Variants in ZNF592 observed in about 807,000 individuals in gnomAD.
ZNF592 encodes the protein spinocerebellar ataxia, autosomal recessive 5.
A neutral mutation model predicts 80.3 loss-of-function variants in ZNF592; 11 were observed. The ratio of observed to expected loss-of-function variants is 0.14; its 90% CI spans 0.09 to 0.23. ZNF592 has a LOEUF of 0.23. Among genes scored for constraint, ZNF592 ranks in the 10% least tolerant of loss-of-function variants. The probability of loss-of-function intolerance (pLI) is 1.00; values close to 1 mark genes in which losing one functional copy is unlikely to be tolerated. For missense variants in ZNF592, 1,420 were observed against 1,633.9 expected (o/e 0.87, Z 2.26); for synonymous variants, 646 against 640.3 (o/e 1.01, Z -0.13).
rs1400067521 is a variant in ZNF592 at position 84,803,621 on chromosome 15, T to G, written c.*1228T>G. ...CACCTTCATCTTTCCTTCAGTTGAT[T>G]TTCAACATAAGAGAACCCCTTACTG... On this transcript the variant is annotated 3_prime_UTR_variant, in exon 11 of 11. Coordinates refer to ENST00000560079, the MANE Select transcript of ZNF592 (RefSeq NM_014630.3). 6.6e-6 allele frequency: 1 copy of G among 152,198 alleles called. No individual in the cohort carries two copies. Among genetic ancestry groups the G allele is most frequent in the Non-Finnish European group, 1.5e-5 (1 of 68,032 alleles). 9.4% of individuals were successfully genotyped at this position (152,198 alleles called of 1,614,324 possible). A position where few individuals can be genotyped will look rare whatever the true frequency, so the allele number is the denominator to read the frequency against.
At chr15:84,769,275 T>G (rs989151431) in intron 2 of ZNF592, among the ~76,000 whole-genome samples, 1 of 152,000 alleles carries the variant, frequency 6.6e-6, no homozygotes, top group East Asian at 1.9e-4. Flanking sequence ...TACCTTCCTG[T>G]AAACACACTG....
At chr15:84,771,558 G>A (rs190219540) in intron 2 of ZNF592, among the ~76,000 whole-genome samples, 1 of 152,242 alleles carries the variant, frequency 6.6e-6, no homozygotes, top group East Asian at 1.9e-4. Flanking sequence ...GAGGCTGAAG[G>A]GACATCTTGG....
chr15:84,776,062 A>C (rs1441169497), intron 2 of ZNF592, among the ~76,000 whole-genome samples: 2 of 152,202 alleles, frequency 1.3e-5, no homozygotes, highest in African/African-American at 2.4e-5. Context: ...AGTGAAATTT[A>C]CTCTCAGCCT....
chr15:84,782,856 C>G lies in ZNF592; in HGVS notation c.181C>G (p.Pro61Ala), dbSNP rs753953290. The G allele has an allele frequency of 6.2e-7, 1 of 1,614,136 alleles. No homozygotes were observed. The highest frequency in any genetic ancestry group is 8.5e-7 in the Non-Finnish European group (1 of 1,180,032). Reference protein sequence around the residue: ...SVSLSHSGSAPDVPAVSVIVK... With the variant: ...SVSLSHSGSAADVPAVSVIVK... ...GTCCTTGTCTCACTCAGGATCAGCC[C>G]CCGATGTGCCGGCCGTGAGTGTCAT... is the stretch of plus-strand genomic sequence containing the variant. The change falls in exon 4 of 11, where the codon CCC becomes GCC. Residue 61 changes from proline to alanine, a missense_variant. Transcript: ENST00000560079.
chr15:84,787,030 T>G (rs1306311435), intron 4 of ZNF592, among the ~76,000 whole-genome samples: 1 of 151,934 alleles, frequency 6.6e-6, no homozygotes, highest in Non-Finnish European at 1.5e-5. Context: ...TTTGTATTTT[T>G]AGTAGAGATG....
chr15:84,793,136 G>A (rs1207002232), intron 5 of ZNF592, among the ~76,000 whole-genome samples: 2 of 152,044 alleles, frequency 1.3e-5, no homozygotes, highest in African/African-American at 4.8e-5. Context: ...GAGTGCAGTG[G>A]CAGCATCTTG....
chr15:84,772,760 T>A (rs978413339), intron 2 of ZNF592, among the ~76,000 whole-genome samples: 1 of 152,190 alleles, frequency 6.6e-6, no homozygotes, highest in African/African-American at 2.4e-5. Context: ...CTCTCACAGT[T>A]CAGCGTTCCT....
intron 2 of ZNF592, among the ~76,000 whole-genome samples, chr15:84,766,665 G>A (rs951908022): frequency 4.0e-5 from 6 of 151,362 alleles, no homozygotes; most frequent in Non-Finnish European, 7.4e-5. Flanking sequence ...GAGAGAAAGT[G>A]TACCGTGGAG....
Position 84,799,545 on chromosome 15 carries a change from G to A in ZNF592, c.3138-297G>A, listed in dbSNP as rs12902901. Reference sequence around the variant, plus strand: ...TCTGCACCATCTGCCTGTGCCTTGGGGTGGCCCCAGGCCCTTTCACTGTGA... The same window carrying A: ...TCTGCACCATCTGCCTGTGCCTTGGAGTGGCCCCAGGCCCTTTCACTGTGA... On this transcript the variant is annotated intron_variant, in intron 9 of 10. Coordinates refer to ENST00000560079, the MANE Select transcript of ZNF592 (RefSeq NM_014630.3). This position sits in a 1 kb window ranked among gnomAD's most constrained non-coding sequence, Gnocchi z 4.2. Among the ~76,000 whole-genome samples, 243 of 152,304 alleles carry A rather than the reference G, an allele frequency of 1.6e-3. 1 individual carries two copies. The highest frequency in any genetic ancestry group is 2.8e-3 in the Non-Finnish European group (192 of 68,022).
At chr15:84,767,332 G>C (rs1417530744) in intron 2 of ZNF592, among the ~76,000 whole-genome samples, 2 of 152,024 alleles carry the variant, frequency 1.3e-5, no homozygotes, top group Non-Finnish European at 2.9e-5. Flanking sequence ...GGCCAACACT[G>C]TTTTCTAGGG....
intron 1 of ZNF592, among the ~76,000 whole-genome samples, chr15:84,754,946 T>C (rs1029723270): frequency 6.6e-6 from 1 of 150,798 alleles, no homozygotes; most frequent in African/African-American, 2.4e-5. Context: ...TCTAGGATTA[T>C]TGCAATCCCC....
intron 2 of ZNF592, among the ~76,000 whole-genome samples, chr15:84,768,073 T>G (rs1180001309): frequency 4.0e-5 from 6 of 150,240 alleles, no homozygotes; most frequent in Admixed American, 6.6e-5. Context: ...TTTTTTTTTT[T>G]GTAGAGATGG....
At chr15:84,752,070 A>G (rs1465613058) in intron 1 of ZNF592, among the ~76,000 whole-genome samples, 1 of 152,142 alleles carries the variant, frequency 6.6e-6, no homozygotes, top group East Asian at 1.9e-4. Flanking sequence ...CTTTGGTTTT[A>G]TTATTTAAAT....
intron 1 of ZNF592, among the ~76,000 whole-genome samples, chr15:84,763,079 T>C (rs773489511): frequency 2.4e-4 from 36 of 152,146 alleles, no homozygotes; most frequent in Non-Finnish European, 4.4e-4. Context: ...ATGAGTGTGT[T>C]GGGAAACTTG....
At chr15:84,768,061 A>ATTTTTT (rs71135308) in intron 2 of ZNF592, among the ~76,000 whole-genome samples, 1 of 137,482 alleles carries the variant, frequency 7.3e-6, no homozygotes, top group Non-Finnish European at 1.6e-5. Context: ...TTTAATTTTA[A>ATTTTTT]TTTTTTTTTT....
chr15:84,796,295 A>ATTTT (rs1567076451), intron 5 of ZNF592, among the ~76,000 whole-genome samples: 1 of 45,572 alleles, frequency 2.2e-5, no homozygotes, highest in Non-Finnish European at 3.6e-5. Flanking sequence ...ATATATATAT[A>ATTTT]AAAAAACGAA....
At chr15:84,780,082 G>T (rs1293194069) in intron 3 of ZNF592, among the ~76,000 whole-genome samples, 4 of 151,536 alleles carry the variant, frequency 2.6e-5, no homozygotes, top group Non-Finnish European at 4.4e-5. Flanking sequence ...CTCCTCCTGG[G>T]TTCAAGTGAT....
chr15:84,760,050 G>A (rs1374708807), intron 1 of ZNF592, among the ~76,000 whole-genome samples: 1 of 146,708 alleles, frequency 6.8e-6, no homozygotes, highest in Admixed American at 7.1e-5. Context: ...TCTTCCTAAT[G>A]ATAGACAGTT....
Position 84,784,629 on chromosome 15 carries a change from C to T in ZNF592, c.1954C>T (p.Leu652=), listed in dbSNP as rs562662744. ...KGLVMQCSQL[L]VKPISADQMF... ...GCTCGTCATGCAGTGTTCCCAGCTG[C>T]TGGTGAAGCCTATCTCTGCGGACCA... is the stretch of plus-strand genomic sequence containing the variant. The change falls in exon 4 of 11, where the codon CTG becomes TTG. Residue 652 remains leucine (L), a synonymous_variant. Coordinates refer to ENST00000560079, the MANE Select transcript of ZNF592 (RefSeq NM_014630.3). The surrounding 1 kb of genome is among the most constrained non-coding windows in gnomAD (Gnocchi z 5.8). 3.1e-6 allele frequency: 5 copies of T among 1,614,204 alleles called. No homozygotes were observed. The African/African-American group carries it at 5.3e-5, about 17-fold the overall frequency.
Sources: allele counts gnomAD v4.1 joint callset (sites outside exome capture counted in the v4.1 genomes callset), GRCh38; gene constraint gnomAD v4.1.1; non-coding constraint Gnocchi (gnomAD v3.1); transcripts MANE v1.5; gene names NCBI Gene and HGNC (gene_info 2026-07-23, HGNC 2026-07-21).